The following GAK variants were observed in gnomAD, a reference collection of about 807,000 sequenced individuals.
GAK encodes cyclin G associated kinase, also known as cyclin-G-associated kinase.
In GAK, 79 loss-of-function variants were observed where a neutral mutation model predicts 143.9. The ratio of observed to expected loss-of-function variants is 0.55; its 90% CI spans 0.46 to 0.66. GAK has a LOEUF of 0.66. GAK is among the 30% of genes least tolerant of loss of function. GAK has a pLI of 0.00. For synonymous variants in GAK, 881 were observed against 765.5 expected (o/e 1.15, Z -2.49); for missense variants, 1,693 against 1,779.7 (o/e 0.95, Z 0.88).
chr4:857,667 G>A (rs551690084), intron 24 of GAK, among the ~76,000 whole-genome samples: 13 of 152,278 alleles, frequency 8.5e-5, no homozygotes, highest in Admixed American at 7.8e-4. Context: ...CCCCCATATC[G>A]ATGACCTGGG....
At chr4:912,454 C>A in intron 3 of GAK, 4 of 417,106 alleles carry the variant, frequency 9.6e-6, no homozygotes, top group Non-Finnish European at 1.8e-5. Flanking sequence ...CCTGTGGTAA[C>A]CAGCCCATCC....
At chr4:865,392 C>T in intron 22 of GAK, 148 bp from the exon 23 acceptor site, 1 of 936,486 alleles carries the variant, frequency 1.1e-6, no homozygotes, top group Non-Finnish European at 1.6e-6. Flanking sequence ...CTCTCTCTTC[C>T]TGAAGGGTCC....
intron 2 of GAK, 51 bp downstream of exon 2, chr4:913,556 G>C: frequency 7.3e-7 from 1 of 1,369,938 alleles, no homozygotes; most frequent in African/African-American, 1.4e-5. Flanking sequence ...TCACCAGACA[G>C]TCCCTTTACA....
intron 4 of GAK, among the ~76,000 whole-genome samples, chr4:910,778 G>A (rs944924839): frequency 8.5e-5 from 13 of 152,080 alleles, no homozygotes; most frequent in African/African-American, 2.9e-4. Flanking sequence ...GGTCACTAGT[G>A]TCACCACCCC....
chr4:876,761 G>A (rs557424526), intron 17 of GAK, 152 bp from the exon 18 acceptor site: 33 of 690,004 alleles, frequency 4.8e-5, no homozygotes, highest in African/African-American at 3.7e-4. Flanking sequence ...TGGGGGAAGC[G>A]GGAGAGGGTC....
In GAK at chr4:866,621, G is replaced by T. The variant is rs563728678; in HGVS notation, c.2873-87C>A. 4 of 1,440,016 alleles carry T rather than the reference G, an allele frequency of 2.8e-6. No individual in the cohort carries two copies. The East Asian group carries it at 7.0e-5, about 25-fold the overall frequency. The allele number at this position is 1,440,016 out of a possible 1,614,324, so 89.2% of individuals were successfully genotyped here. ...GCTCTGGAGTCAGGCCTGCCCAAGA[G>T]GCCACTCCAGCTGGGCAGCCCAGAC... On this transcript the variant is annotated intron_variant, in intron 21 of 27. Coordinates refer to ENST00000314167, the MANE Select transcript of GAK (RefSeq NM_005255.4).
chr4:917,089 C>T (rs146302532), intron 1 of GAK, among the ~76,000 whole-genome samples: 3 of 152,172 alleles, frequency 2.0e-5, no homozygotes, highest in African/African-American at 7.2e-5. Context: ...AGAGTACATA[C>T]ACATACATAC....
chr4:910,422 C>T (rs896774050), intron 4 of GAK, among the ~76,000 whole-genome samples: 2 of 149,974 alleles, frequency 1.3e-5, no homozygotes, highest in Non-Finnish European at 3.0e-5. Flanking sequence ...CTCCACTAAG[C>T]ACAGGGCCCC....
chr4:878,583 T>C (rs1195578662), intron 15 of GAK, among the ~76,000 whole-genome samples: 4 of 152,238 alleles, frequency 2.6e-5, no homozygotes, highest in Admixed American at 6.5e-5. Flanking sequence ...TCGGTTCTTC[T>C]ATATCCCTGC....
intron 24 of GAK, chr4:852,277 G>A: frequency 2.2e-6 from 1 of 447,858 alleles, no homozygotes; most frequent in Non-Finnish European, 4.0e-6. Flanking sequence ...CTTGTCCACG[G>A]GGGTTGGGGC....
chr4:919,501 T>C (rs62297087), intron 1 of GAK, among the ~76,000 whole-genome samples: 10 of 152,182 alleles, frequency 6.6e-5, no homozygotes, highest in East Asian at 1.9e-4. Flanking sequence ...AGCCACCACA[T>C]TGACACAACT....
chr4:865,198 G>C lies in GAK; in HGVS notation c.3090C>G (p.Asn1030Lys), dbSNP rs1191089430. ...CAGCCCATCCTCCCAGCAGGTCTGG[G>C]TTGCTGGACGAGGCTGTCATCTTGC... ...EPSKMTASSS[N>K]PDLLGGWAAW... Residue 1030 changes from asparagine (N) to lysine (K), a missense_variant, in exon 23 of 28, where the codon AAC becomes AAG. Transcript: ENST00000314167. The C allele has an allele frequency of 3.1e-6, 5 of 1,613,110 alleles. No individual in the cohort carries two copies. The highest frequency in any genetic ancestry group is 4.2e-6 in the Non-Finnish European group (5 of 1,179,784).
chr4:894,245 G>C (rs930540437), intron 7 of GAK: 2 of 450,258 alleles, frequency 4.4e-6, no homozygotes, highest in African/African-American at 2.1e-5. Flanking sequence ...GTGACACCCG[G>C]GCCGCGGGGA....
chr4:926,587 G>A (rs762005037), intron 1 of GAK, among the ~76,000 whole-genome samples: 2 of 152,174 alleles, frequency 1.3e-5, no homozygotes, highest in Non-Finnish European at 1.5e-5. Context: ...GACCATGCTC[G>A]GCAAATACGA....
rs73064446 is a variant in GAK at position 916,088 on chromosome 4, T to G, written c.146-2420A>C. Reference sequence around the variant, plus strand: ...AGGTTAGGCAGTGATTTTTTAGATATAAGCACAAAAGCAGGACCCATAAAA... The same window carrying G: ...AGGTTAGGCAGTGATTTTTTAGATAGAAGCACAAAAGCAGGACCCATAAAA... On this transcript the variant is annotated intron_variant, in intron 1 of 27. Coordinates refer to ENST00000314167, the MANE Select transcript of GAK (RefSeq NM_005255.4). 2.1e-3 allele frequency among the ~76,000 whole-genome samples: 326 copies of G among 152,262 alleles called. 2 individuals carry two copies. Among genetic ancestry groups the G allele is most frequent in the African/African-American group, 7.5e-3 (312 of 41,538 alleles).
rs973850167 is a variant in GAK at position 849,556 on chromosome 4, C to G, written c.*117G>C. 2 of 724,750 alleles carry G rather than the reference C, an allele frequency of 2.8e-6. No individual in the cohort carries two copies. The highest frequency in any genetic ancestry group is 1.8e-5 in the African/African-American group (1 of 56,438). The allele number at this position is 724,750 out of a possible 1,614,324, so 44.9% of individuals were successfully genotyped here. On this transcript the variant is annotated 3_prime_UTR_variant, in exon 28 of 28. Coordinates refer to ENST00000314167, the MANE Select transcript of GAK (RefSeq NM_005255.4). ...GCTGGGCGGGCGGTGACCCGGGGCT[C>G]GGAGCCCCACCCTGGCCACACCTGC...
chr4:892,393 C>A (rs1353050515), intron 9 of GAK, among the ~76,000 whole-genome samples: 1 of 152,204 alleles, frequency 6.6e-6, no homozygotes, highest in Non-Finnish European at 1.5e-5. Flanking sequence ...GGCCTCCCTG[C>A]TCCCCGTGGG....
At chr4:903,422 C>T (rs1354706975) in intron 5 of GAK, among the ~76,000 whole-genome samples, 1 of 152,138 alleles carries the variant, frequency 6.6e-6, no homozygotes, top group Non-Finnish European at 1.5e-5. Context: ...GTCCGGCCCC[C>T]GACCCCAGCG....
intron 19 of GAK, 136 bp downstream of exon 19, chr4:870,575 G>T: frequency 1.2e-6 from 1 of 809,462 alleles, no homozygotes; most frequent in Non-Finnish European, 1.9e-6. Flanking sequence ...AAAACCTCCT[G>T]CAGCCCAAGC....
Sources: gnomAD v4.1 joint callset for allele counts (sites outside exome capture counted in the v4.1 genomes callset) on GRCh38, gnomAD v4.1.1 for gene constraint, MANE v1.5 for transcripts, NCBI Gene and HGNC (gene_info 2026-07-23, HGNC 2026-07-21) for gene names.